NRG1: variants seen among roughly 807,000 people sequenced by gnomAD.
NRG1 encodes the protein neuregulin 1.
NRG1 carries 18 observed loss-of-function variants against 63.8 expected under a neutral mutation model. The observed-to-expected ratio is 0.28, with a 90% confidence interval of 0.19 to 0.42. The LOEUF is 0.42. Among genes scored for constraint, NRG1 ranks in the 10% least tolerant of loss-of-function variants. The pLI is 1.00. For synonymous variants in NRG1, 302 were observed against 301.3 expected (o/e 1.00, Z -0.02); for missense variants, 762 against 814.7 (o/e 0.94, Z 0.79).
chr8:31,731,507 T>C (rs1328567692), intron 1 of NRG1, among the ~76,000 whole-genome samples: 1 of 151,932 alleles, frequency 6.6e-6, no homozygotes, highest in African/African-American at 2.4e-5. Flanking sequence ...GAGATATAAG[T>C]ATACACATTA....
intron 5 of NRG1, among the ~76,000 whole-genome samples, chr8:32,686,076 C>T (rs1447587761): frequency 1.3e-5 from 2 of 152,134 alleles, no homozygotes; most frequent in Non-Finnish European, 2.9e-5. Context: ...ACAATTGCTG[C>T]CTTAAGCATT....
intron 1 of NRG1, among the ~76,000 whole-genome samples, chr8:32,165,900 T>A (rs185080598): frequency 6.6e-6 from 1 of 152,110 alleles, no homozygotes; most frequent in Non-Finnish European, 1.5e-5. Flanking sequence ...TGTGAGCACA[T>A]AGGTTTGCAA....
At chr8:32,761,131 A>C (rs1007508910) in intron 11 of NRG1, 5 of 229,280 alleles carry the variant, frequency 2.2e-5, no homozygotes, top group African/African-American at 4.7e-5. Flanking sequence ...AGAATGGAGG[A>C]AAGTAAACAA....
At chr8:32,566,398 G>A (rs544887934) in intron 1 of NRG1, among the ~76,000 whole-genome samples, 1 of 151,500 alleles carries the variant, frequency 6.6e-6, no homozygotes, top group Admixed American at 6.6e-5. Context: ...AAATGGGTAT[G>A]TTTAGATTTG....
chr8:32,550,849 G>A (rs781612877), intron 1 of NRG1, among the ~76,000 whole-genome samples: 7 of 152,144 alleles, frequency 4.6e-5, no homozygotes, highest in Non-Finnish European at 8.8e-5. Flanking sequence ...AAAAATTGGG[G>A]TGAATTTGGC....
chr8:31,947,306 C>CAAAAAAA (rs61713691), intron 1 of NRG1, among the ~76,000 whole-genome samples: 10 of 132,706 alleles, frequency 7.5e-5, no homozygotes, highest in African/African-American at 2.9e-4. Flanking sequence ...GACTCCGTCT[C>CAAAAAAA]AAAAAAAAAA....
At chr8:32,014,753 A>C in intron 1 of NRG1, among the ~76,000 whole-genome samples, 1 of 149,320 alleles carries the variant, frequency 6.7e-6, no homozygotes, top group African/African-American at 2.5e-5. Context: ...TTAAATCCCA[A>C]CACCTGTGAA....
chr8:32,025,751 T>A (rs1225795342), intron 1 of NRG1, among the ~76,000 whole-genome samples: 1 of 151,818 alleles, frequency 6.6e-6, no homozygotes, highest in East Asian at 2.0e-4. Context: ...ATCGAGACCA[T>A]CCTGGCTAAC....
chr8:32,137,665 G>A (rs1835725863), intron 1 of NRG1, among the ~76,000 whole-genome samples: 1 of 152,034 alleles, frequency 6.6e-6, no homozygotes, highest in African/African-American at 2.4e-5. Context: ...CTGGTTCTAG[G>A]TTTATACCTC....
At chr8:31,733,745 AT>A (rs1411479723) in intron 1 of NRG1, among the ~76,000 whole-genome samples, 1 of 152,062 alleles carries the variant, frequency 6.6e-6, no homozygotes, top group Non-Finnish European at 1.5e-5. Flanking sequence ...CATGTCCCTG[AT>A]TTGTATGGGT....
chr8:31,795,532 A>ACC (rs1821119239), intron 1 of NRG1, among the ~76,000 whole-genome samples: 1 of 151,812 alleles, frequency 6.6e-6, no homozygotes, highest in Non-Finnish European at 1.5e-5. Flanking sequence ...TTGTCCTGTA[A>ACC]CCCCGCAAAA....
intron 1 of NRG1, among the ~76,000 whole-genome samples, chr8:32,328,274 T>C (rs1441160117): frequency 2.0e-5 from 3 of 152,174 alleles, no homozygotes; most frequent in Non-Finnish European, 4.4e-5. Flanking sequence ...TCCAAGGCAA[T>C]TATTTTGATC....
At chr8:32,009,852 C>T (rs764821412) in intron 1 of NRG1, among the ~76,000 whole-genome samples, 1 of 151,992 alleles carries the variant, frequency 6.6e-6, no homozygotes, top group Non-Finnish European at 1.5e-5. Flanking sequence ...ATGACTGCTC[C>T]AGTTTATGCA....
intron 6 of NRG1, among the ~76,000 whole-genome samples, chr8:32,730,467 G>T (rs1371637187): frequency 6.6e-6 from 1 of 151,644 alleles, no homozygotes; most frequent in Non-Finnish European, 1.5e-5. Context: ...TAAATAAATA[G>T]AATAAAAAAT....
intron 1 of NRG1, among the ~76,000 whole-genome samples, chr8:32,491,049 A>G (rs150464438): frequency 6.6e-6 from 1 of 152,310 alleles, no homozygotes; most frequent in African/African-American, 2.4e-5. Context: ...TTCCCCCTTC[A>G]TCTCAAGGTG....
At chr8:31,750,007 G>T (rs1271750333) in intron 1 of NRG1, among the ~76,000 whole-genome samples, 1 of 151,700 alleles carries the variant, frequency 6.6e-6, no homozygotes, top group Non-Finnish European at 1.5e-5. Flanking sequence ...CTTGTAGAAA[G>T]GATGATTCCA....
chr8:31,992,519 G>A (rs1275680104), intron 1 of NRG1, among the ~76,000 whole-genome samples: 1 of 151,986 alleles, frequency 6.6e-6, no homozygotes, highest in African/African-American at 2.4e-5. Context: ...TGGGAAGAGA[G>A]CAACTAGAGT....
intron 1 of NRG1, among the ~76,000 whole-genome samples, chr8:31,710,918 C>T (rs1811676814): frequency 6.6e-6 from 1 of 152,048 alleles, no homozygotes; most frequent in Non-Finnish European, 1.5e-5. Context: ...ATTATGTTGT[C>T]TGTGTACTTC....
intron 5 of NRG1, among the ~76,000 whole-genome samples, chr8:32,648,857 C>T (rs1045468523): frequency 1.3e-5 from 2 of 152,162 alleles, no homozygotes; most frequent in African/African-American, 4.8e-5. Context: ...TGTTGTCTCT[C>T]TCTCCTTCCC....
Sources: allele counts gnomAD v4.1 joint callset (sites outside exome capture counted in the v4.1 genomes callset), GRCh38; gene constraint gnomAD v4.1.1; transcripts MANE v1.5; gene names NCBI Gene and HGNC (gene_info 2026-07-23, HGNC 2026-07-21).